The following NOL10 variants were observed in gnomAD, a reference collection of about 807,000 sequenced individuals.
NOL10 encodes the protein nucleolar protein 10.
NOL10 carries 58 observed loss-of-function variants against 103.5 expected under a neutral mutation model. That is an observed-to-expected ratio of 0.56 (90% confidence interval 0.45 to 0.70). The LOEUF is 0.70. NOL10 is among the 30% of genes least tolerant of loss of function. NOL10 has a pLI of 0.00. For missense variants in NOL10, 763 were observed against 807.3 expected (o/e 0.95, Z 0.67); for synonymous variants, 287 against 282.5 (o/e 1.02, Z -0.16).
At chr2:10,634,158 C>T (rs1176359675) in intron 13 of NOL10, among the ~76,000 whole-genome samples, 1 of 152,124 alleles carries the variant, frequency 6.6e-6, no homozygotes, top group Non-Finnish European at 1.5e-5. Context: ...TATTTTACAT[C>T]AGTCTGGCTG....
rs547212624 is a variant in NOL10, at chr2:10,689,778, G to A, written c.66+18C>T. 4.4e-6 allele frequency: 7 copies of A among 1,594,414 alleles called. No homozygotes were observed. The Admixed American group carries it at 5.3e-5, about 12-fold the overall frequency. ...ACCCCCAAGAGCTCGAGAGTGAGGG[G>A]GCCGGGAAGTGACTCACCTCAGGAA... is the stretch of plus-strand genomic sequence containing the variant. On this transcript the variant is annotated intron_variant, in intron 1 of 20. Transcript: ENST00000381685.
chr2:10,600,665 G>GT (rs1675923602), intron 17 of NOL10, among the ~76,000 whole-genome samples, 188 bp downstream of exon 17: 1 of 152,112 alleles, frequency 6.6e-6, no homozygotes, highest in South Asian at 2.1e-4. Context: ...TATAAGAATC[G>GT]TAAGGATAGC....
intron 17 of NOL10, among the ~76,000 whole-genome samples, chr2:10,594,263 G>A (rs1675549854): frequency 6.6e-6 from 1 of 152,118 alleles, no homozygotes; most frequent in Non-Finnish European, 1.5e-5. Context: ...GCATTTAAGG[G>A]GAATTGGTTG....
chr2:10,607,750 T>TTTTTTAGTATTA (rs70953321), intron 13 of NOL10, among the ~76,000 whole-genome samples: 1 of 144,726 alleles, frequency 6.9e-6, no homozygotes, highest in Non-Finnish European at 1.5e-5. Flanking sequence ...AAAAACAATA[T>TTTTTTAGTATTA]TTATTATTAT....
At chr2:10,644,655 A>C (rs1572363277) in intron 12 of NOL10, among the ~76,000 whole-genome samples, 1 of 152,350 alleles carries the variant, frequency 6.6e-6, no homozygotes, top group South Asian at 2.1e-4. Context: ...AGAAAGTCCT[A>C]GAGGGACTCT....
intron 3 of NOL10, among the ~76,000 whole-genome samples, chr2:10,680,599 T>C (rs1681688198): frequency 6.6e-6 from 1 of 152,236 alleles, no homozygotes; most frequent in African/African-American, 2.4e-5. Flanking sequence ...GGTGTCCATG[T>C]ATCTTAGATT....
chr2:10,637,188 CAAAAAAAAAAAA>C (rs61693251), intron 13 of NOL10, among the ~76,000 whole-genome samples: 9 of 44,524 alleles, frequency 2.0e-4, no homozygotes, highest in African/African-American at 3.4e-4. Flanking sequence ...GACACTGTCT[CAAAAAAAAAAAA>C]AAAAAAAAAA....
chr2:10,606,471 G>A (rs1676265098), intron 14 of NOL10, among the ~76,000 whole-genome samples: 1 of 151,852 alleles, frequency 6.6e-6, no homozygotes, highest in Non-Finnish European at 1.5e-5. Flanking sequence ...CATGCTGCAT[G>A]GCAGTGCACA....
chr2:10,589,321 T>C, intron 18 of NOL10, 31 bp from the exon 19 acceptor site: 1 of 1,609,528 alleles, frequency 6.2e-7, no homozygotes, highest in Non-Finnish European at 8.5e-7. Context: ...CAGCAACTCC[T>C]TTCCCCCAGT....
intron 13 of NOL10, among the ~76,000 whole-genome samples, chr2:10,629,020 A>C (rs1297139544): frequency 6.6e-6 from 1 of 152,100 alleles, no homozygotes; most frequent in Non-Finnish European, 1.5e-5. Flanking sequence ...TATGCCCCCC[A>C]GAGCGAATGG....
intron 14 of NOL10, 95 bp from the exon 15 acceptor site, chr2:10,603,252 T>C (rs1676081995): frequency 4.7e-6 from 4 of 852,544 alleles, no homozygotes; most frequent in Admixed American, 2.6e-5. Flanking sequence ...ATAGTAAGAT[T>C]TCACTTCAGA....
intron 12 of NOL10, among the ~76,000 whole-genome samples, chr2:10,652,108 C>T (rs1441453784): frequency 6.6e-6 from 1 of 151,888 alleles, no homozygotes; most frequent in Non-Finnish European, 1.5e-5. Flanking sequence ...GGCGTGGTGG[C>T]GGGCACCTGT....
At chr2:10,595,144 CAGAGAG>C (rs77723934) in intron 17 of NOL10, among the ~76,000 whole-genome samples, 319 of 124,192 alleles carry the variant, frequency 2.6e-3, no homozygotes, top group Non-Finnish European at 3.9e-3. Context: ...GGGGAGGGGG[CAGAGAG>C]AGAGAGAGAG....
chr2:10,595,141 G>GGGCAGAGAGA (rs1675602623), intron 17 of NOL10, among the ~76,000 whole-genome samples: 2 of 128,478 alleles, frequency 1.6e-5, no homozygotes, highest in Non-Finnish European at 3.3e-5. Context: ...GAGGGGGAGG[G>GGGCAGAGAGA]GGCAGAGAGA....
At chr2:10,588,946 T>A in intron 19 of NOL10, 97 bp downstream of exon 19, 1 of 1,522,914 alleles carries the variant, frequency 6.6e-7, no homozygotes, top group Non-Finnish European at 8.8e-7. Flanking sequence ...ACCTCCATCA[T>A]CCAAAGACAG....
intron 12 of NOL10, among the ~76,000 whole-genome samples, chr2:10,645,636 T>C (rs866773553): frequency 2.0e-5 from 3 of 151,244 alleles, no homozygotes; most frequent in Non-Finnish European, 2.9e-5. Flanking sequence ...TGGGTTCACG[T>C]CATTCTCCTG....
rs746589786 is a variant in NOL10 at position 10,659,186 on chromosome 2, T to C, written c.742A>G (p.Thr248Ala). The C allele has an allele frequency of 9.4e-6, 15 of 1,602,560 alleles. No homozygotes were observed. Among genetic ancestry groups the C allele is most frequent in the Non-Finnish European group, 4.3e-6 (5 of 1,174,014 alleles). The change falls in exon 10 of 21, where the codon ACA (threonine) becomes GCA (alanine). Residue 248 changes from threonine (T) to alanine (A), a missense_variant. Physicochemically the swap from Thr to Ala is moderately conservative, Grantham distance 58. Transcript: ENST00000381685. The stretch of plus-strand genomic sequence containing the variant: ...AACATATTTACCTGCCCTGTGGTTG[T>C]TCCAACTGCCATGGTCAAGGCACCA... ...FNGALTMAVGTTTGQVLLYDL... is the reference protein window; with the variant it reads ...FNGALTMAVGATTGQVLLYDL...
chr2:10,600,846 AC>A lies in NOL10; in HGVS notation c.1422+6del. 1 of 1,526,000 alleles carries A rather than the reference AC, an allele frequency of 6.6e-7. No individual in the cohort carries two copies. Among genetic ancestry groups the A allele is most frequent in the Non-Finnish European group, 8.9e-7 (1 of 1,125,146 alleles). The allele number at this position is 1,526,000 out of a possible 1,614,324, so 94.5% of individuals were successfully genotyped here. A position where few individuals can be genotyped will look rare whatever the true frequency, so the allele number is the denominator to read the frequency against. On this transcript the variant is annotated splice_donor_region_variant and intron_variant, in intron 17 of 20. Coordinates refer to ENST00000381685, the MANE Select transcript of NOL10 (RefSeq NM_024894.4). ...AGAAACAATTTGCCGATACTTTTTC[AC>A]CTTACCTTAACTTTCTTTTTCCATG...
At chr2:10,650,783 C>T (rs988245858) in intron 12 of NOL10, among the ~76,000 whole-genome samples, 3 of 151,954 alleles carry the variant, frequency 2.0e-5, no homozygotes, top group South Asian at 2.1e-4. Context: ...ACAGACCAGG[C>T]GAAAAAATAA....
Sources: allele counts gnomAD v4.1 joint callset (sites outside exome capture counted in the v4.1 genomes callset), GRCh38; gene constraint gnomAD v4.1.1; transcripts MANE v1.5; gene names NCBI Gene and HGNC (gene_info 2026-07-23, HGNC 2026-07-21).